Variants in USH2A observed in about 807,000 individuals in gnomAD.
USH2A encodes usherin.
In USH2A, 443 loss-of-function variants were observed where a neutral mutation model predicts 538.9. That is an observed-to-expected ratio of 0.82 (90% confidence interval 0.76 to 0.89). USH2A has a LOEUF of 0.89. USH2A is among the 40% of genes least tolerant of loss of function. The pLI is 0.00. For synonymous variants in USH2A, 2,413 were observed against 2,273.5 expected (o/e 1.06, Z -1.75); for missense variants, 6,633 against 6,324.8 (o/e 1.05, Z -1.65).
rs575428185 is a variant in USH2A, at chr1:215,905,199, A to G, written c.7301-4294T>C. ...TGGTGGCTACCAAGTCTGTGGGGAC[A>G]AGAAGAAGAATATTTTAGGGAGAAA... On this transcript the variant is annotated intron_variant, in intron 38 of 71. Transcript: ENST00000307340. Among the ~76,000 whole-genome samples the G allele has an allele frequency of 3.9e-5, 6 of 152,212 alleles. No individual in the cohort carries two copies. The East Asian group carries it at 1.2e-3, about 30-fold the overall frequency.
chr1:215,958,063 C>G (rs1031148917), intron 37 of USH2A, among the ~76,000 whole-genome samples: 1 of 152,144 alleles, frequency 6.6e-6, no homozygotes, highest in Non-Finnish European at 1.5e-5. Flanking sequence ...CCTACAGACT[C>G]TTTGGAAGTC....
chr1:215,845,865 C>T lies in USH2A; in HGVS notation c.9014G>A (p.Ser3005Asn). The T allele has an allele frequency of 1.9e-6, 3 of 1,613,892 alleles. No individual in the cohort carries two copies. Among genetic ancestry groups the T allele is most frequent in the Non-Finnish European group, 2.5e-6 (3 of 1,179,896 alleles). The change falls in exon 45 of 72, where the codon AGC becomes AAC. Residue 3005 changes from serine to asparagine, a missense_variant. Physicochemically the swap from Ser to Asn is conservative, Grantham distance 46 (BLOSUM62 1). Transcript: ENST00000307340. The part of the protein sequence containing the change: ...IFISVFNGVH[S>N]INSAGLHATT... ...TGCATGAAGTCCTGCACTGTTGATG[C>T]TGTGGACTCCATTGAAGACAGAGAT... is the stretch of plus-strand genomic sequence containing the variant.
rs373258982 is a variant in USH2A, at chr1:215,897,153, C to T, written c.7594+2922G>A. On this transcript the variant is annotated intron_variant, in intron 40 of 71. Transcript: ENST00000307340. ...CATGCATTTGCTTCTCTGGCTGTAG[C>T]TCATTGCCTGCCTAGATTTCTCTTT... is the stretch of plus-strand genomic sequence containing the variant. 5.3e-5 allele frequency among the ~76,000 whole-genome samples: 8 copies of T among 152,274 alleles called. No homozygotes were observed. The South Asian group carries it at 1.7e-3, about 32-fold the overall frequency.
At chr1:215,850,686 C>A (rs1468264192) in intron 44 of USH2A, among the ~76,000 whole-genome samples, 2 of 152,152 alleles carry the variant, frequency 1.3e-5, no homozygotes, top group African/African-American at 4.8e-5. Flanking sequence ...TACCCTAGAA[C>A]AAATAGACTT....
intron 38 of USH2A, among the ~76,000 whole-genome samples, chr1:215,910,339 A>G (rs1665749314): frequency 6.6e-6 from 1 of 151,964 alleles, no homozygotes; most frequent in African/African-American, 2.4e-5. Context: ...ATCACAAAAG[A>G]GGCAGATCTG....
rs1664842413 is a variant in USH2A, at chr1:215,878,983, A to T, written c.8339T>A (p.Val2780Asp). The change falls in exon 42 of 72, where the codon GTT becomes GAT. Residue 2780 changes from valine to aspartate, a missense_variant. Val to Asp is a radical substitution (Grantham distance 152). Coordinates refer to ENST00000307340, the MANE Select transcript of USH2A (RefSeq NM_206933.4). ...NVTSAVLSQK[V>D]THLIPFTNYS... is the part of the protein sequence containing the mutation. Reference sequence around the variant, plus strand: ...ATTAGTGAAAGGAATCAGATGAGTAACTTTTTGACTTAACACTGCGGAAGT... The same window carrying T: ...ATTAGTGAAAGGAATCAGATGAGTATCTTTTTGACTTAACACTGCGGAAGT... 11 of 1,614,090 alleles carry T rather than the reference A, an allele frequency of 6.8e-6. No homozygotes were observed. In the East Asian group the frequency reaches 2.5e-4, roughly 36 times the overall value.
chr1:216,409,645 T>A (rs1340733597), intron 3 of USH2A, among the ~76,000 whole-genome samples: 1 of 152,116 alleles, frequency 6.6e-6, no homozygotes, highest in Admixed American at 6.6e-5. Context: ...GACTCCCTAT[T>A]CAATAAATGT....
intron 9 of USH2A, among the ~76,000 whole-genome samples, chr1:216,307,926 C>T (rs1253594868): frequency 3.9e-5 from 6 of 152,128 alleles, no homozygotes; most frequent in Admixed American, 1.3e-4. Flanking sequence ...TACAGTTTTT[C>T]GGCTGTCTCC....
Position 215,884,310 on chromosome 1 carries a change from T to G in USH2A, c.8223+4116A>C, listed in dbSNP as rs1286259199. ...CATCGGCATTCTGATTTGAATGATG[T>G]TCAGTTTATATGTTGACTTTGGAAG... On this transcript the variant is annotated intron_variant, in intron 41 of 71. Coordinates refer to ENST00000307340, the MANE Select transcript of USH2A (RefSeq NM_206933.4). 4.6e-5 allele frequency among the ~76,000 whole-genome samples: 7 copies of G among 152,202 alleles called. No homozygotes were observed. In the South Asian group the frequency reaches 8.3e-4, roughly 18 times the overall value.
At chr1:216,201,773 G>T in intron 16 of USH2A, 1 of 232,028 alleles carries the variant, frequency 4.3e-6, no homozygotes, top group Non-Finnish European at 9.7e-6. Flanking sequence ...AGGTGAGACA[G>T]TTCTCTCTCT....
In USH2A at chr1:216,072,961, A is replaced by G; in HGVS notation, c.5785T>C (p.Tyr1929His). The change falls in exon 29 of 72, where the codon TAT (tyrosine) becomes CAT (histidine). Residue 1929 changes from tyrosine to histidine, a missense_variant. Tyr to His is a moderately conservative substitution (Grantham distance 83). Coordinates refer to ENST00000307340, the MANE Select transcript of USH2A (RefSeq NM_206933.4). ...GGLQPFTEYLYRVIASHEGGS... is the reference protein window; with the variant it reads ...GGLQPFTEYLHRVIASHEGGS... ...CCTTCATGCGAGGCTATCACTCGAT[A>G]CAGGTATTCTTAAATGGAAATAAGA... The G allele has an allele frequency of 1.1e-5, 17 of 1,614,006 alleles. No individual in the cohort carries two copies. Among genetic ancestry groups the G allele is most frequent in the Non-Finnish European group, 1.3e-5 (15 of 1,179,900 alleles).
chr1:215,774,194 C>T (rs1385651648), intron 55 of USH2A, among the ~76,000 whole-genome samples: 1 of 152,060 alleles, frequency 6.6e-6, no homozygotes, highest in Non-Finnish European at 1.5e-5. Flanking sequence ...CCAGTAAGAT[C>T]ACTTCATGAC....
At chr1:216,256,197 A>C (rs301761) in intron 11 of USH2A, among the ~76,000 whole-genome samples, 29 of 151,702 alleles carry the variant, frequency 1.9e-4, no homozygotes, top group Non-Finnish European at 3.7e-4. Flanking sequence ...CAATCTTCCA[A>C]TCTGTATATT....
intron 38 of USH2A, among the ~76,000 whole-genome samples, chr1:215,914,717 A>G (rs953025662): frequency 7.2e-5 from 11 of 152,148 alleles, no homozygotes; most frequent in Admixed American, 5.9e-4. Flanking sequence ...CTTCACCACA[A>G]TGGTGGCCAG....
intron 37 of USH2A, among the ~76,000 whole-genome samples, chr1:215,963,402 G>T (rs770099544): frequency 6.6e-6 from 1 of 151,980 alleles, no homozygotes; most frequent in Admixed American, 6.6e-5. Context: ...TGCTCCTTTT[G>T]CTTCCAACCT....
chr1:215,740,782 G>A (rs1464916385), intron 60 of USH2A, among the ~76,000 whole-genome samples: 6 of 152,152 alleles, frequency 3.9e-5, no homozygotes, highest in African/African-American at 1.4e-4. Flanking sequence ...ACACACTGGG[G>A]CAATGCAGTT....
chr1:215,906,628 C>G (rs1665646023), intron 38 of USH2A, among the ~76,000 whole-genome samples: 1 of 151,692 alleles, frequency 6.6e-6, no homozygotes, highest in Non-Finnish European at 1.5e-5. Flanking sequence ...ATTTTCTGTC[C>G]AGGTCATATT....
chr1:215,712,727 G>A (rs1483003564), intron 61 of USH2A, among the ~76,000 whole-genome samples: 1 of 152,136 alleles, frequency 6.6e-6, no homozygotes, highest in Non-Finnish European at 1.5e-5. Flanking sequence ...ATACTTTTGG[G>A]AAAGGGGTAT....
At chr1:216,019,409 T>C (rs960880660) in intron 32 of USH2A, among the ~76,000 whole-genome samples, 4 of 152,160 alleles carry the variant, frequency 2.6e-5, no homozygotes, top group Non-Finnish European at 5.9e-5. Context: ...TTTGTAGTAA[T>C]TTTGTAGTAA....
Sources: allele counts gnomAD v4.1 joint callset (sites outside exome capture counted in the v4.1 genomes callset), GRCh38; gene constraint gnomAD v4.1.1; transcripts MANE v1.5; gene names NCBI Gene and HGNC (gene_info 2026-07-23, HGNC 2026-07-21).